CCDC152: variants seen among roughly 807,000 people sequenced by gnomAD.
CCDC152 encodes the protein coiled-coil domain-containing protein 152.
CCDC152 carries 37 observed loss-of-function variants against 38.1 expected under a neutral mutation model. The ratio of observed to expected loss-of-function variants is 0.97; its 90% confidence interval spans 0.75 to 1.28. CCDC152 has a LOEUF of 1.28. Ranked by LOEUF, CCDC152 falls within the 50% of genes most tolerant of loss-of-function variation. The pLI is 0.00. For missense variants in CCDC152, 259 were observed against 292.1 expected (o/e 0.89, Z 0.83); for synonymous variants, 83 against 87.1 (o/e 0.95, Z 0.26).
chr5:42,779,555 C>T, intron 5 of CCDC152, 33 bp downstream of exon 5: 1 of 1,163,142 alleles, frequency 8.6e-7, no homozygotes, highest in South Asian at 1.4e-5. Context: ...TCAGTCAAGT[C>T]CCTGTGGAGA....
chr5:42,793,445 A>T (rs1300955483), intron 6 of CCDC152, among the ~76,000 whole-genome samples: 1 of 152,244 alleles, frequency 6.6e-6, no homozygotes, highest in East Asian at 1.9e-4. Context: ...GCTGCAGTAA[A>T]TCTGACTTTA....
chr5:42,761,290 T>C (rs1759549856), intron 2 of CCDC152, among the ~76,000 whole-genome samples: 1 of 152,288 alleles, frequency 6.6e-6, no homozygotes, highest in South Asian at 2.1e-4. Flanking sequence ...TTACAGCATA[T>C]TCAAAAATGA....
At chr5:42,783,885 C>T (rs1175313248) in intron 6 of CCDC152, among the ~76,000 whole-genome samples, 1 of 152,142 alleles carries the variant, frequency 6.6e-6, no homozygotes, top group Non-Finnish European at 1.5e-5. Flanking sequence ...TAGAATGATG[C>T]CCTCCAGCTC....
intron 4 of CCDC152, among the ~76,000 whole-genome samples, chr5:42,770,095 A>G (rs1193828392): frequency 6.6e-6 from 1 of 152,238 alleles, no homozygotes; most frequent in Non-Finnish European, 1.5e-5. Context: ...TGAAGTCAAC[A>G]CATTCAGCTT....
intron 5 of CCDC152, 131 bp downstream of exon 5, chr5:42,779,653 A>G (rs1296025362): frequency 1.5e-5 from 7 of 478,302 alleles, no homozygotes; most frequent in South Asian, 1.0e-4. Flanking sequence ...GTGTGGAGAT[A>G]TACGTATATA....
At position 42,801,151 on chromosome 5, in the gene CCDC152, C is replaced by A. The variant is rs1223869892; in HGVS notation, c.*1370C>A. On this transcript the variant is annotated 3_prime_UTR_variant, in exon 9 of 9. Coordinates refer to ENST00000361970, the MANE Select transcript of CCDC152 (RefSeq NM_001134848.2). ...TGGTGGTGATGAAGGCCTGGAGGAG[C>A]AGGATGAGTAGGAGCATTTGGTGCT... is the stretch of plus-strand genomic sequence containing the variant. The A allele has an allele frequency of 6.2e-7, 1 of 1,613,986 alleles. No individual in the cohort carries two copies. The highest frequency in any genetic ancestry group is 1.1e-5 in the South Asian group (1 of 91,078).
Position 42,800,688 on chromosome 5 carries a change from C to T in CCDC152, c.*907C>T, listed in dbSNP as rs375257526. 1 of 1,542,702 alleles carries T rather than the reference C, an allele frequency of 6.5e-7. No homozygotes were observed. The highest frequency in any genetic ancestry group is 2.3e-5 in the East Asian group (1 of 44,034). On this transcript the variant is annotated 3_prime_UTR_variant, in exon 9 of 9. Transcript: ENST00000361970. ...TGCTGGAAATGAAATTGTGTCTAGA[C>T]TAAATTGGGGAGTATGTCCTATTTT...
chr5:42,785,165 T>C (rs1217897383), intron 6 of CCDC152, among the ~76,000 whole-genome samples: 1 of 152,154 alleles, frequency 6.6e-6, no homozygotes, highest in Admixed American at 6.5e-5. Context: ...TTGATAGAAA[T>C]TGAATATGTA....
At chr5:42,793,441 G>C (rs1160908118) in intron 6 of CCDC152, among the ~76,000 whole-genome samples, 4 of 152,132 alleles carry the variant, frequency 2.6e-5, no homozygotes, top group African/African-American at 9.6e-5. Flanking sequence ...TTACGCTGCA[G>C]TAAATCTGAC....
At chr5:42,774,146 A>G (rs1341477480) in intron 4 of CCDC152, among the ~76,000 whole-genome samples, 2 of 152,216 alleles carry the variant, frequency 1.3e-5, no homozygotes, top group Non-Finnish European at 2.9e-5. Flanking sequence ...AGGCAGACTC[A>G]GAGAATCACA....
At chr5:42,781,282 T>G (rs1265407341) in intron 5 of CCDC152, among the ~76,000 whole-genome samples, 1 of 152,160 alleles carries the variant, frequency 6.6e-6, no homozygotes, top group Non-Finnish European at 1.5e-5. Flanking sequence ...TTTGTGGGAT[T>G]GCCAGCTGGG....
rs376734713 is a variant in CCDC152 at position 42,801,380 on chromosome 5, A to C, written c.*1599A>C. 1.8e-5 allele frequency: 24 copies of C among 1,349,752 alleles called. No homozygotes were observed. Among genetic ancestry groups the C allele is most frequent in the Non-Finnish European group, 9.1e-6 (9 of 988,232 alleles). The allele number at this position is 1,349,752 out of a possible 1,614,324, so 83.6% of individuals were successfully genotyped here. ...TTTTAACAAGCTTATAGAGATAGGA[A>C]TAATGCGTGAAAAATGATTTGTAGA... is the stretch of plus-strand genomic sequence containing the variant. On this transcript the variant is annotated 3_prime_UTR_variant, in exon 9 of 9. Transcript: ENST00000361970.
intron 2 of CCDC152, among the ~76,000 whole-genome samples, chr5:42,762,075 T>C (rs898902932): frequency 5.9e-5 from 9 of 152,240 alleles, no homozygotes; most frequent in African/African-American, 2.2e-4. Flanking sequence ...CTTTATGGTA[T>C]AGCCTACTGC....
rs762672238 is a variant in CCDC152 at position 42,801,154 on chromosome 5, G to T, written c.*1373G>T. 6.8e-6 allele frequency: 11 copies of T among 1,614,176 alleles called. No homozygotes were observed. The highest frequency in any genetic ancestry group is 9.3e-6 in the Non-Finnish European group (11 of 1,180,036). On this transcript the variant is annotated 3_prime_UTR_variant, in exon 9 of 9. Coordinates refer to ENST00000361970, the MANE Select transcript of CCDC152 (RefSeq NM_001134848.2). ...TGGTGATGAAGGCCTGGAGGAGCAGGATGAGTAGGAGCATTTGGTGCTCCT... is the reference window on the plus strand; with the variant it reads ...TGGTGATGAAGGCCTGGAGGAGCAGTATGAGTAGGAGCATTTGGTGCTCCT...
intron 1 of CCDC152, 56 bp downstream of exon 1, chr5:42,756,941 C>T (rs979089926): frequency 1.3e-5 from 2 of 152,688 alleles, no homozygotes; most frequent in African/African-American, 4.8e-5. Flanking sequence ...ATAGAGATTC[C>T]TTTCTTCATA....
Position 42,801,249 on chromosome 5 carries a change from T to A in CCDC152, c.*1468T>A, listed in dbSNP as rs1281568909. 1 of 1,614,060 alleles carries A rather than the reference T, an allele frequency of 6.2e-7. No homozygotes were observed. ...TCCATGATTGTGATGATGCTCATGA[T>A]GGTAATGAGGCGATGGAGTTTCAAC... On this transcript the variant is annotated 3_prime_UTR_variant, in exon 9 of 9. Coordinates refer to ENST00000361970, the MANE Select transcript of CCDC152 (RefSeq NM_001134848.2).
chr5:42,797,793 T>G (rs895401779), intron 7 of CCDC152, among the ~76,000 whole-genome samples: 7 of 152,128 alleles, frequency 4.6e-5, no homozygotes, highest in African/African-American at 1.4e-4. Flanking sequence ...TCCTACAATT[T>G]TTTTTTTAAG....
At chr5:42,766,490 C>T (rs989751270) in intron 3 of CCDC152, among the ~76,000 whole-genome samples, 2 of 152,004 alleles carry the variant, frequency 1.3e-5, no homozygotes, top group Admixed American at 6.6e-5. Flanking sequence ...ATTACAATAG[C>T]CAAGATTTGG....
chr5:42,772,505 G>C (rs1278534149), intron 4 of CCDC152, among the ~76,000 whole-genome samples: 3 of 152,104 alleles, frequency 2.0e-5, no homozygotes, highest in Admixed American at 2.0e-4. Flanking sequence ...ACAAAAATTT[G>C]CTGGGCGTGG....
Sources: allele counts gnomAD v4.1 joint callset (sites outside exome capture counted in the v4.1 genomes callset), GRCh38; gene constraint gnomAD v4.1.1; transcripts MANE v1.5; gene names NCBI Gene and HGNC (gene_info 2026-07-23, HGNC 2026-07-21).